NEK10: variants seen among roughly 807,000 people sequenced by gnomAD.
NEK10 encodes NIMA related kinase 10, also known as serine/threonine-protein kinase Nek10.
NEK10 carries 122 observed loss-of-function variants against 159.8 expected under a neutral mutation model. That is an observed-to-expected ratio of 0.76 (90% confidence interval 0.66 to 0.89). The LOEUF is 0.89. Among genes scored for constraint, NEK10 ranks in the 40% least tolerant of loss-of-function variants. NEK10 has a pLI of 0.00. For synonymous variants in NEK10, 466 were observed against 457.1 expected (o/e 1.02, Z -0.25); for missense variants, 1,342 against 1,323.1 (o/e 1.01, Z -0.22).
chr3:27,181,298 TCTTC>T (rs1258902220), intron 26 of NEK10, among the ~76,000 whole-genome samples: 1 of 152,144 alleles, frequency 6.6e-6, no homozygotes, highest in Non-Finnish European at 1.5e-5. Context: ...ATATAGTTTA[TCTTC>T]CTTGTGATTT....
intron 23 of NEK10, chr3:27,215,784 C>T (rs1951459038): frequency 1.4e-6 from 1 of 716,616 alleles, no homozygotes; most frequent in Non-Finnish European, 2.6e-6. Context: ...TGGGAGGCAT[C>T]AGGAAGCTTC....
intron 25 of NEK10, among the ~76,000 whole-genome samples, chr3:27,196,867 C>T (rs1356222771): frequency 6.6e-6 from 1 of 152,112 alleles, no homozygotes; most frequent in Non-Finnish European, 1.5e-5. Flanking sequence ...ACAACAGGAA[C>T]AAATCACAGA....
At chr3:27,159,590 T>C (rs1004493812) in intron 30 of NEK10, among the ~76,000 whole-genome samples, 11 of 152,162 alleles carry the variant, frequency 7.2e-5, no homozygotes, top group Admixed American at 6.6e-4. Context: ...TATTTTCATT[T>C]GTATAATATA....
rs184885243 is a variant in NEK10 at position 27,195,452 on chromosome 3, G to C, written c.2292-3210C>G. Among the ~76,000 whole-genome samples, 316 of 152,264 alleles carry C rather than the reference G, an allele frequency of 2.1e-3. 1 individual carries two copies. Among genetic ancestry groups the C allele is most frequent in the Non-Finnish European group, 3.3e-3 (222 of 68,008 alleles). ...TCAGTTTTAAGTCAAATTTTCTAAA[G>C]ATAAAACTTTATTTGGAATGTAAAC... On this transcript the variant is annotated intron_variant, in intron 25 of 35. Coordinates refer to ENST00000691995, the MANE Select transcript of NEK10 (RefSeq NM_001394966.1).
intron 31 of NEK10, among the ~76,000 whole-genome samples, chr3:27,137,893 C>T (rs905278266): frequency 2.1e-4 from 32 of 152,318 alleles, no homozygotes; most frequent in South Asian, 2.1e-4. Flanking sequence ...CCAAAGAAGG[C>T]GGTTCCTTGT....
intron 35 of NEK10, among the ~76,000 whole-genome samples, chr3:27,112,189 C>A (rs1360175344): frequency 6.6e-6 from 1 of 152,170 alleles, no homozygotes; most frequent in South Asian, 2.1e-4. Flanking sequence ...TTAAACAGTT[C>A]CAGAAATCTT....
intron 31 of NEK10, among the ~76,000 whole-genome samples, chr3:27,136,392 G>A (rs990195460): frequency 2.6e-5 from 4 of 152,054 alleles, no homozygotes; most frequent in Non-Finnish European, 5.9e-5. Flanking sequence ...GATTACAGGC[G>A]TGAGCCACCG....
intron 23 of NEK10, among the ~76,000 whole-genome samples, chr3:27,253,848 G>C (rs1318468155): frequency 1.3e-5 from 2 of 152,136 alleles, no homozygotes; most frequent in Admixed American, 6.5e-5. Context: ...AAAAATTCTA[G>C]AATGTCGGGA....
chr3:27,328,461 G>C (rs1292847958), intron 5 of NEK10, among the ~76,000 whole-genome samples: 1 of 152,154 alleles, frequency 6.6e-6, no homozygotes, highest in African/African-American at 2.4e-5. Flanking sequence ...TGGATGTCTA[G>C]GTCAGAACAG....
At chr3:27,362,782 A>G (rs1432854271) in intron 1 of NEK10, among the ~76,000 whole-genome samples, 1 of 151,816 alleles carries the variant, frequency 6.6e-6, no homozygotes, top group Non-Finnish European at 1.5e-5. Context: ...TTTCTATTAA[A>G]TATGACACTT....
Position 27,352,505 on chromosome 3 carries a change from C to A in NEK10, c.92G>T (p.Arg31Ile), listed in dbSNP as rs2048040903. The change falls in exon 3 of 36, where the codon AGA (arginine) becomes ATA (isoleucine). Residue 31 changes from arginine to isoleucine, a missense_variant. Arg to Ile is a moderately conservative substitution (Grantham distance 97). Coordinates refer to ENST00000691995, the MANE Select transcript of NEK10 (RefSeq NM_001394966.1). Reference protein sequence around the residue: ...ITIRDYSDLKRLRCLLNVQSS... With the variant: ...ITIRDYSDLKILRCLLNVQSS... ...TTGGACGTTCAAAAGGCACCGAAGT[C>A]TTTTAAGATCTGAATAGTCCCTAGG... 6.2e-7 allele frequency: 1 copy of A among 1,610,554 alleles called. No homozygotes were observed. The highest frequency in any genetic ancestry group is 1.7e-5 in the Admixed American group (1 of 59,892).
intron 23 of NEK10, among the ~76,000 whole-genome samples, chr3:27,255,500 A>G (rs1199094701): frequency 1.2e-5 from 1 of 84,478 alleles, no homozygotes; most frequent in Non-Finnish European, 2.1e-5. Context: ...TATAGGCTAG[A>G]TTTAAAAAAA....
At position 27,225,132 on chromosome 3, in the gene NEK10, G is replaced by A. The variant is rs545997681; in HGVS notation, c.2091-22575C>T. ...CGGAGTTCCAAAACTAAAGAACTTG[G>A]AGTCCAGTGTTCAAGGGCAGGAAGC... On this transcript the variant is annotated intron_variant, in intron 23 of 35. Coordinates refer to ENST00000691995, the MANE Select transcript of NEK10 (RefSeq NM_001394966.1). Among the ~76,000 whole-genome samples, 22 of 152,316 alleles carry A rather than the reference G, an allele frequency of 1.4e-4. No individual in the cohort carries two copies. The South Asian group carries it at 3.9e-3, about 27-fold the overall frequency.
intron 5 of NEK10, among the ~76,000 whole-genome samples, chr3:27,342,685 A>T (rs1449550697): frequency 1.3e-5 from 2 of 152,144 alleles, no homozygotes; most frequent in Non-Finnish European, 1.5e-5. Context: ...ATCTTTTTCA[A>T]CTAGTTGATG....
chr3:27,355,103 G>T (rs2048240897), intron 1 of NEK10, among the ~76,000 whole-genome samples: 1 of 152,154 alleles, frequency 6.6e-6, no homozygotes, highest in South Asian at 2.1e-4. Context: ...TGAAGGTAAA[G>T]GATCTTTGCT....
chr3:27,244,650 G>A (rs1329823131), intron 23 of NEK10, among the ~76,000 whole-genome samples: 1 of 152,096 alleles, frequency 6.6e-6, no homozygotes, highest in Non-Finnish European at 1.5e-5. Flanking sequence ...GCCTCAGCCT[G>A]GTGATCATTT....
intron 23 of NEK10, among the ~76,000 whole-genome samples, chr3:27,248,613 A>G (rs924509146): frequency 6.6e-6 from 1 of 152,104 alleles, no homozygotes; most frequent in Non-Finnish European, 1.5e-5. Flanking sequence ...TCATTGACCC[A>G]CTGGTCATTC....
intron 22 of NEK10, among the ~76,000 whole-genome samples, chr3:27,280,304 G>A (rs2042065797): frequency 1.4e-5 from 2 of 138,532 alleles, no homozygotes; most frequent in Non-Finnish European, 3.2e-5. Flanking sequence ...GCTTAAGGGA[G>A]CCCATTTAAC....
At chr3:27,258,769 T>C (rs2149337815) in intron 22 of NEK10, among the ~76,000 whole-genome samples, 1 of 152,334 alleles carries the variant, frequency 6.6e-6, no homozygotes, top group South Asian at 2.1e-4. Flanking sequence ...CTATTTCTAG[T>C]TCTAGATCCC....
Sources: allele counts gnomAD v4.1 joint callset (sites outside exome capture counted in the v4.1 genomes callset), GRCh38; gene constraint gnomAD v4.1.1; transcripts MANE v1.5; gene names NCBI Gene and HGNC (gene_info 2026-07-23, HGNC 2026-07-21).